CFAP20DC: variants seen among roughly 807,000 people sequenced by gnomAD.
CFAP20DC encodes the protein protein CFAP20DC.
In CFAP20DC, 84 loss-of-function variants were observed where a neutral mutation model predicts 101.7. The ratio of observed to expected loss-of-function variants is 0.83; its 90% CI spans 0.69 to 0.99. CFAP20DC has a LOEUF of 0.99. CFAP20DC is among the 50% of genes least tolerant of loss of function. The pLI is 0.00. For synonymous variants in CFAP20DC, 359 were observed against 351.2 expected (o/e 1.02, Z -0.25); for missense variants, 1,007 against 970.3 (o/e 1.04, Z -0.50).
intron 15 of CFAP20DC, among the ~76,000 whole-genome samples, chr3:58,787,158 T>C (rs1021270886): frequency 1.7e-4 from 26 of 152,020 alleles, no homozygotes; most frequent in Admixed American, 9.2e-4. Flanking sequence ...TATTTCTTAT[T>C]AACAGCTCTA....
At chr3:59,032,209 G>C (rs1489180611) in intron 4 of CFAP20DC, among the ~76,000 whole-genome samples, 3 of 152,180 alleles carry the variant, frequency 2.0e-5, no homozygotes, top group Non-Finnish European at 4.4e-5. Flanking sequence ...CTGCAGACCA[G>C]GAGATTTCCT....
chr3:59,001,447 C>T lies in CFAP20DC; in HGVS notation c.278+38110G>A, dbSNP rs146813970. ...TCTCTTAAGTTTCACACTTATTGTC[C>T]AGGCTGGAGTGCAATGGCTCAATCT... On this transcript the variant is annotated intron_variant, in intron 4 of 16. Transcript: ENST00000482387. This position sits in a 1 kb window ranked among gnomAD's most constrained non-coding sequence, Gnocchi z 4.5. Among the ~76,000 whole-genome samples the T allele has an allele frequency of 6.4e-4, 97 of 152,226 alleles. 1 individual carries two copies. In the East Asian group the frequency reaches 0.017, roughly 26 times the overall value.
intron 13 of CFAP20DC, 72 bp from the exon 14 acceptor site, chr3:58,831,961 C>T (rs1425122413): frequency 3.5e-5 from 46 of 1,324,244 alleles, no homozygotes; most frequent in Non-Finnish European, 5.0e-5. Context: ...ATGCCACAGC[C>T]TTAACCCCTA....
At chr3:58,923,049 G>C (rs2085560436) in intron 5 of CFAP20DC, among the ~76,000 whole-genome samples, 1 of 152,006 alleles carries the variant, frequency 6.6e-6, no homozygotes, top group African/African-American at 2.4e-5. Flanking sequence ...TGGGACTACA[G>C]GTGTGTGCCA....
intron 13 of CFAP20DC, among the ~76,000 whole-genome samples, chr3:58,842,658 C>T (rs185823531): frequency 1.3e-5 from 2 of 152,334 alleles, no homozygotes; most frequent in Admixed American, 6.5e-5. Context: ...GGGTGGAGCC[C>T]GCCACAGCTC....
intron 5 of CFAP20DC, among the ~76,000 whole-genome samples, chr3:58,934,546 C>A (rs2087238091): frequency 6.6e-6 from 1 of 152,128 alleles, no homozygotes. Flanking sequence ...AAACCGAATC[C>A]AGCAGCATAT....
chr3:58,985,577 C>A (rs994605905), intron 4 of CFAP20DC, among the ~76,000 whole-genome samples: 1 of 152,290 alleles, frequency 6.6e-6, no homozygotes, highest in Admixed American at 6.5e-5. Context: ...TCCTTATTCT[C>A]CAGCCAAACC....
At chr3:58,995,534 T>C (rs897611553) in intron 4 of CFAP20DC, among the ~76,000 whole-genome samples, 2 of 144,280 alleles carry the variant, frequency 1.4e-5, no homozygotes, top group African/African-American at 2.6e-5. Flanking sequence ...TATATAAGGC[T>C]GCATCTAACA....
At chr3:58,846,830 G>C (rs2077694595) in intron 13 of CFAP20DC, among the ~76,000 whole-genome samples, 1 of 147,654 alleles carries the variant, frequency 6.8e-6, no homozygotes, top group African/African-American at 2.5e-5. Flanking sequence ...TAGATCAATG[G>C]AACAGAACAG....
At chr3:58,969,782 A>G (rs1429606213) in intron 4 of CFAP20DC, among the ~76,000 whole-genome samples, 2 of 152,194 alleles carry the variant, frequency 1.3e-5, no homozygotes, top group East Asian at 3.8e-4. Context: ...CAGACACAAA[A>G]GACCACATAT....
At chr3:58,814,106 T>C (rs1458773193) in intron 14 of CFAP20DC, among the ~76,000 whole-genome samples, 1 of 151,908 alleles carries the variant, frequency 6.6e-6, no homozygotes, top group Non-Finnish European at 1.5e-5. Context: ...AATGGACCTC[T>C]GCCTATTTAT....
At chr3:58,817,681 G>A (rs1342007233) in intron 14 of CFAP20DC, among the ~76,000 whole-genome samples, 23 of 148,678 alleles carry the variant, frequency 1.5e-4, no homozygotes, top group East Asian at 4.0e-4. Flanking sequence ...ACCTGAAAGT[G>A]ATGGGGAGAA....
intron 4 of CFAP20DC, among the ~76,000 whole-genome samples, chr3:59,000,082 T>C (rs1219947739): frequency 6.6e-6 from 1 of 152,224 alleles, no homozygotes; most frequent in Non-Finnish European, 1.5e-5. Flanking sequence ...CAGCCAGAGA[T>C]AATTATTTCA....
At chr3:58,848,089 G>T (rs573286421) in intron 13 of CFAP20DC, among the ~76,000 whole-genome samples, 2 of 144,838 alleles carry the variant, frequency 1.4e-5, no homozygotes, top group African/African-American at 5.2e-5. Context: ...AGTGGGTGCA[G>T]TGCACCAGCA....
intron 14 of CFAP20DC, among the ~76,000 whole-genome samples, chr3:58,812,335 G>A (rs538994680): frequency 6.6e-6 from 1 of 152,258 alleles, no homozygotes; most frequent in African/African-American, 2.4e-5. Flanking sequence ...AATGGATTAA[G>A]AAATTGTGGC....
intron 4 of CFAP20DC, chr3:59,018,136 CCAAA>C (rs1358671116): frequency 2.6e-5 from 4 of 152,004 alleles, no homozygotes; most frequent in Admixed American, 6.6e-5. Context: ...GGGGAGATAC[CCAAA>C]CAAAGATCAG....
intron 15 of CFAP20DC, among the ~76,000 whole-genome samples, chr3:58,787,814 C>T (rs757669074): frequency 5.3e-5 from 8 of 151,998 alleles, no homozygotes; most frequent in Non-Finnish European, 8.8e-5. Flanking sequence ...GCCATAAAAA[C>T]GGATGAGTTC....
intron 15 of CFAP20DC, among the ~76,000 whole-genome samples, chr3:58,768,367 C>T (rs907910724): frequency 1.5e-4 from 23 of 152,086 alleles, no homozygotes; most frequent in African/African-American, 5.3e-4. Flanking sequence ...ATTGGCACCA[C>T]TGAATTAATT....
At position 58,913,963 on chromosome 3, in the gene CFAP20DC, C is replaced by T; in HGVS notation, c.394-99G>A. The T allele has an allele frequency of 1.6e-6, 2 of 1,286,394 alleles. No individual in the cohort carries two copies. The highest frequency in any genetic ancestry group is 2.2e-6 in the Non-Finnish European group (2 of 920,756). The allele number at this position is 1,286,394 out of a possible 1,614,324, so 79.7% of individuals were successfully genotyped here. On this transcript the variant is annotated intron_variant, in intron 5 of 16. Transcript: ENST00000482387. This position sits in a 1 kb window ranked among gnomAD's most constrained non-coding sequence, Gnocchi z 4.4. ...ACATTCAAAGAGTTGAGGCAGTTAT[C>T]CTGATCAACAAGCCCCAAACTAATT...
Sources: gnomAD v4.1 joint callset for allele counts (sites outside exome capture counted in the v4.1 genomes callset) on GRCh38, gnomAD v4.1.1 for gene constraint, Gnocchi (gnomAD v3.1) non-coding constraint, MANE v1.5 for transcripts, NCBI Gene and HGNC (gene_info 2026-07-23, HGNC 2026-07-21) for gene names.